Variants in MDFIC observed in about 807,000 individuals in gnomAD.
MDFIC encodes the protein MyoD family inhibitor domain containing, also known as myoD family inhibitor domain-containing protein.
In MDFIC, 17 loss-of-function variants were observed where a neutral mutation model predicts 23.2. The observed-to-expected ratio is 0.73, with a 90% CI of 0.50 to 1.10. The LOEUF (loss-of-function observed/expected upper bound fraction) is 1.10, where lower values mean the gene tolerates loss of function less well. Among genes scored for constraint, MDFIC ranks in the 50% least tolerant of loss-of-function variants. The pLI is 0.00. For missense variants in MDFIC, 356 were observed against 316.6 expected (o/e 1.12, Z -0.95); for synonymous variants, 120 against 115.2 (o/e 1.04, Z -0.27).
At chr7:114,929,786 A>C (rs1792274408) in intron 2 of MDFIC, among the ~76,000 whole-genome samples, 1 of 152,116 alleles carries the variant, frequency 6.6e-6, no homozygotes, top group Non-Finnish European at 1.5e-5. Flanking sequence ...GAAAGCCGGA[A>C]GTTAGAGAGA....
chr7:114,980,289 T>A (rs928351237), intron 4 of MDFIC, among the ~76,000 whole-genome samples: 3 of 152,178 alleles, frequency 2.0e-5, no homozygotes, highest in African/African-American at 7.2e-5. Flanking sequence ...GACCAGCATC[T>A]TCCAGCCGCC....
At chr7:114,966,442 G>T (rs1442505144) in intron 3 of MDFIC, among the ~76,000 whole-genome samples, 2 of 149,962 alleles carry the variant, frequency 1.3e-5, no homozygotes, top group Non-Finnish European at 1.5e-5. Flanking sequence ...CCACCAAACT[G>T]GGAGATGTCA....
intron 3 of MDFIC, among the ~76,000 whole-genome samples, chr7:114,951,855 G>A (rs1230821761): frequency 6.6e-6 from 1 of 152,182 alleles, no homozygotes; most frequent in African/African-American, 2.4e-5. Flanking sequence ...AGGTTCTGTA[G>A]GAGATAGAAC....
At chr7:114,971,532 C>G (rs1367040495) in intron 3 of MDFIC, among the ~76,000 whole-genome samples, 4 of 152,108 alleles carry the variant, frequency 2.6e-5, no homozygotes, top group Non-Finnish European at 5.9e-5. Flanking sequence ...TGAATTGAAA[C>G]CTGAGAGTGC....
Position 115,016,642 on chromosome 7 carries a change from C to A in MDFIC, c.*707C>A, listed in dbSNP as rs1010739355. On this transcript the variant is annotated 3_prime_UTR_variant, in exon 5 of 5. Coordinates refer to ENST00000393486, the MANE Select transcript of MDFIC (RefSeq NM_001166345.3). ...CCTGGGCAACAGAGCGAGACTCCAT[C>A]TCTAAATAAATAAATAAATAAATAA... is the stretch of plus-strand genomic sequence containing the variant. 1 of 107,510 alleles carries A rather than the reference C, an allele frequency of 9.3e-6. No homozygotes were observed. Among genetic ancestry groups the A allele is most frequent in the African/African-American group, 3.4e-5 (1 of 29,576 alleles). 6.7% of individuals were successfully genotyped at this position (107,510 alleles called of 1,614,324 possible).
chr7:114,996,973 C>T (rs1034308552), intron 4 of MDFIC, among the ~76,000 whole-genome samples: 3 of 152,060 alleles, frequency 2.0e-5, no homozygotes, highest in Non-Finnish European at 4.4e-5. Flanking sequence ...AGCTTGGAAA[C>T]CAAATGAAGG....
intron 3 of MDFIC, among the ~76,000 whole-genome samples, chr7:114,945,905 C>T (rs190610593): frequency 1.6e-3 from 244 of 152,214 alleles, no homozygotes; most frequent in Non-Finnish European, 2.8e-3. Flanking sequence ...AATTTAATTT[C>T]TGAAAGGTGG....
At chr7:114,989,514 A>ATTC (rs143962532) in intron 4 of MDFIC, among the ~76,000 whole-genome samples, 1,729 of 152,314 alleles carry the variant, frequency 0.011, 24 homozygotes, top group African/African-American at 0.04. Flanking sequence ...GAGAAGGAAC[A>ATTC]TTTGAAGATA....
intron 2 of MDFIC, among the ~76,000 whole-genome samples, chr7:114,924,643 A>G (rs1792155977): frequency 1.3e-5 from 2 of 152,306 alleles, no homozygotes; most frequent in African/African-American, 4.8e-5. Context: ...GTTATATTTT[A>G]CCTGAAAATT....
intron 2 of MDFIC, chr7:114,923,427 A>G: frequency 6.5e-7 from 1 of 1,531,602 alleles, no homozygotes; most frequent in Non-Finnish European, 8.8e-7. Context: ...CCTAAGACTC[A>G]ATGTGTAGGT....
At chr7:114,948,379 A>T (rs377385921) in intron 3 of MDFIC, among the ~76,000 whole-genome samples, 1 of 152,142 alleles carries the variant, frequency 6.6e-6, no homozygotes, top group African/African-American at 2.4e-5. Context: ...TGAAGTTCTT[A>T]TGGTAGTGCT....
In MDFIC at chr7:115,016,277, A is replaced by G. The variant is rs1364530735; in HGVS notation, c.*342A>G. ...AGGAGCACTTTGCTCCAAATATATT[A>G]TTTTTCAGTGTGTATTTAAACGAGG... is the stretch of plus-strand genomic sequence containing the variant. On this transcript the variant is annotated 3_prime_UTR_variant, in exon 5 of 5. Coordinates refer to ENST00000393486, the MANE Select transcript of MDFIC (RefSeq NM_001166345.3). 8 of 239,366 alleles carry G rather than the reference A, an allele frequency of 3.3e-5. No individual in the cohort carries two copies. In the East Asian group the frequency reaches 9.2e-4, roughly 28 times the overall value. 14.8% of individuals were successfully genotyped at this position (239,366 alleles called of 1,614,324 possible). A position where few individuals can be genotyped will look rare whatever the true frequency, so the allele number is the denominator to read the frequency against.
intron 3 of MDFIC, among the ~76,000 whole-genome samples, chr7:114,974,580 A>G (rs1425978531): frequency 6.6e-6 from 1 of 152,144 alleles, no homozygotes; most frequent in Non-Finnish European, 1.5e-5. Context: ...TGACTTGTGT[A>G]AAGTGACCAG....
intron 4 of MDFIC, among the ~76,000 whole-genome samples, chr7:115,010,156 GC>G (rs1383484955): frequency 1.3e-5 from 2 of 152,232 alleles, no homozygotes; most frequent in East Asian, 3.9e-4. Flanking sequence ...CTCTATTCAA[GC>G]CTTCTTAAGT....
intron 4 of MDFIC, among the ~76,000 whole-genome samples, chr7:115,010,416 A>G (rs1008421302): frequency 2.0e-5 from 3 of 152,222 alleles, no homozygotes; most frequent in African/African-American, 7.2e-5. Flanking sequence ...AGGAATAACA[A>G]TCAGATCATT....
rs77149653 is a variant in MDFIC, at chr7:115,015,926, T to G, written c.732T>G (p.Phe244Leu). The G allele has an allele frequency of 1.7e-5, 28 of 1,611,918 alleles. No homozygotes were observed. The East Asian group carries it at 6.2e-4, about 36-fold the overall frequency. Reference protein sequence around the residue: ...EICMECCGICFPS With the variant: ...EICMECCGICLPS ...GTATGGAATGCTGTGGAATTTGTTT[T>G]CCTTCATAAATATTTATCTTTTGTT... Residue 244 changes from phenylalanine (F) to leucine (L), a missense_variant, in exon 5 of 5, where the codon TTT becomes TTG. By Grantham distance (22) the Phe-to-Leu change is conservative (BLOSUM62 0). Transcript: ENST00000393486.
At chr7:115,007,135 G>A (rs926336665) in intron 4 of MDFIC, among the ~76,000 whole-genome samples, 2 of 152,138 alleles carry the variant, frequency 1.3e-5, no homozygotes, top group African/African-American at 4.8e-5. Flanking sequence ...TGTGGTCAGA[G>A]CCTTTTACAA....
chr7:114,922,725 C>A (rs1273843005), intron 1 of MDFIC, 89 bp downstream of exon 1: 1 of 1,354,794 alleles, frequency 7.4e-7, no homozygotes, highest in Non-Finnish European at 9.6e-7. Context: ...TCCAGCCCCT[C>A]CCCGCTGGGT....
chr7:114,992,884 C>G (rs75889947), intron 4 of MDFIC, among the ~76,000 whole-genome samples: 6 of 152,106 alleles, frequency 3.9e-5, no homozygotes, highest in Non-Finnish European at 7.4e-5. Flanking sequence ...AGGGAGGATT[C>G]CCTCTTTTTC....
Sources: allele counts gnomAD v4.1 joint callset (sites outside exome capture counted in the v4.1 genomes callset), GRCh38; gene constraint gnomAD v4.1.1; transcripts MANE v1.5; gene names NCBI Gene and HGNC (gene_info 2026-07-23, HGNC 2026-07-21).